Variants in APPBP2 observed in about 807,000 individuals in gnomAD.
APPBP2 encodes amyloid protein-binding protein 2.
APPBP2 carries 15 observed loss-of-function variants against 76.0 expected under a neutral mutation model. That is an observed-to-expected ratio of 0.20 (90% CI 0.13 to 0.30). APPBP2 has a LOEUF of 0.30. Among genes scored for constraint, APPBP2 ranks in the 10% least tolerant of loss-of-function variants. The probability of loss-of-function intolerance (pLI) is 1.00; values close to 1 mark genes in which losing one functional copy is unlikely to be tolerated. For missense variants in APPBP2, 401 were observed against 687.2 expected (o/e 0.58, Z 4.66); for synonymous variants, 222 against 242.2 (o/e 0.92, Z 0.77).
intron 4 of APPBP2, among the ~76,000 whole-genome samples, chr17:60,470,278 T>A (rs2090542628): frequency 6.6e-6 from 1 of 152,140 alleles, no homozygotes; most frequent in South Asian, 2.1e-4. Context: ...TTTAATTTTA[T>A]GAGACAGAGT....
At position 60,525,869 on chromosome 17, in the gene APPBP2, G is replaced by C. The variant is rs1176537507; in HGVS notation, c.63C>G (p.Val21=). The change falls in exon 1 of 13, where the codon GTC becomes GTG. Residue 21 remains valine (V), a synonymous_variant. Coordinates refer to ENST00000083182, the MANE Select transcript of APPBP2 (RefSeq NM_006380.5). Reference sequence around the variant, plus strand: ...GGCGGGAGCGGATGTAGTTGTCCACGACAGCGGAGATGGCGGTGTTATAGA... The same window carrying C: ...GGCGGGAGCGGATGTAGTTGTCCACCACAGCGGAGATGGCGGTGTTATAGA... The part of the protein sequence containing the change: ...ETLYNTAISA[V]VDNYIRSRRD... The C allele has an allele frequency of 2.5e-6, 4 of 1,614,106 alleles. No homozygotes were observed. Among genetic ancestry groups the C allele is most frequent in the Non-Finnish European group, 3.4e-6 (4 of 1,180,022 alleles).
At chr17:60,450,771 C>CAAAAAAAAAAAAAAAAA (rs1235490603) in intron 12 of APPBP2, among the ~76,000 whole-genome samples, 1 of 80,068 alleles carries the variant, frequency 1.2e-5, no homozygotes, top group Non-Finnish European at 2.7e-5. Context: ...GATCCTGTCT[C>CAAAAAAAAAAAAAAAAA]AAAAAAAAAA....
At position 60,462,423 on chromosome 17, in the gene APPBP2, G is replaced by A. The variant is rs182421769; in HGVS notation, c.763-362C>T. The A allele has an allele frequency of 1.8e-3, 321 of 181,484 alleles. 1 individual carries two copies. The highest frequency in any genetic ancestry group is 6.9e-3 in the African/African-American group (295 of 42,584). The allele number at this position is 181,484 out of a possible 1,614,324, so 11.2% of individuals were successfully genotyped here. A position where few individuals can be genotyped will look rare whatever the true frequency, so the allele number is the denominator to read the frequency against. ...TCTAAGGTCCTTATATCCCAGTCCT[G>A]GAGTGGCTGACAACAATCTTTTGTT... is the stretch of plus-strand genomic sequence containing the variant. On this transcript the variant is annotated intron_variant, in intron 6 of 12. Coordinates refer to ENST00000083182, the MANE Select transcript of APPBP2 (RefSeq NM_006380.5).
rs943076671 is a variant in APPBP2 at position 60,524,304 on chromosome 17, A to C, written c.138+1490T>G. Among the ~76,000 whole-genome samples the C allele has an allele frequency of 2.0e-5, 3 of 152,242 alleles. 1 individual carries two copies. The highest frequency in any genetic ancestry group is 4.4e-5 in the Non-Finnish European group (3 of 68,048). ...TGAGGTACAAGATTACACATGATTT[A>C]ATAAAATGGACAGAGAGCACACACA... is the stretch of plus-strand genomic sequence containing the variant. On this transcript the variant is annotated intron_variant, in intron 1 of 12. Transcript: ENST00000083182.
intron 1 of APPBP2, among the ~76,000 whole-genome samples, chr17:60,514,812 C>CT (rs927041116): frequency 1.3e-4 from 19 of 151,138 alleles, no homozygotes; most frequent in East Asian, 9.7e-4. Flanking sequence ...TAAAACTTTT[C>CT]TTTTTTTTTG....
intron 3 of APPBP2, among the ~76,000 whole-genome samples, chr17:60,481,636 T>C (rs532589746): frequency 1.1e-4 from 17 of 152,316 alleles, no homozygotes; most frequent in African/African-American, 4.1e-4. Flanking sequence ...ATATTGACCC[T>C]AGAATTCACC....
intron 1 of APPBP2, among the ~76,000 whole-genome samples, chr17:60,512,108 A>ATT (rs201848782): frequency 0.07 from 10,285 of 146,250 alleles, 1,313 homozygotes; most frequent in African/African-American, 0.26. Context: ...TATTATTATT[A>ATT]TTTTCTTTTT....
At chr17:60,517,875 T>C (rs2090975507) in intron 1 of APPBP2, among the ~76,000 whole-genome samples, 1 of 152,238 alleles carries the variant, frequency 6.6e-6, no homozygotes, top group South Asian at 2.1e-4. Context: ...GTATTTCAGT[T>C]GAGTATCTTT....
chr17:60,458,554 T>G (rs149554249), intron 9 of APPBP2, among the ~76,000 whole-genome samples: 2,191 of 152,266 alleles, frequency 0.014, 20 homozygotes, highest in Non-Finnish European at 0.023. Flanking sequence ...ATAGTAAATA[T>G]TTTAGGTTGT....
intron 4 of APPBP2, among the ~76,000 whole-genome samples, chr17:60,478,642 C>T (rs893532514): frequency 6.6e-6 from 1 of 152,164 alleles, no homozygotes; most frequent in Non-Finnish European, 1.5e-5. Context: ...ACATTCTGGG[C>T]CAGGCACGGT....
chr17:60,518,887 G>A (rs1385628608), intron 1 of APPBP2, among the ~76,000 whole-genome samples: 2 of 151,980 alleles, frequency 1.3e-5, no homozygotes, highest in African/African-American at 4.8e-5. Context: ...CCTTCTTCAT[G>A]CCAAGATGGC....
At chr17:60,450,676 G>C (rs2090387927) in intron 12 of APPBP2, among the ~76,000 whole-genome samples, 1 of 151,396 alleles carries the variant, frequency 6.6e-6, no homozygotes, top group South Asian at 2.1e-4. Flanking sequence ...TACTCAGGTG[G>C]GCTGAGGCAG....
chr17:60,486,521 C>T (rs6503975), intron 3 of APPBP2, among the ~76,000 whole-genome samples: 8,147 of 151,934 alleles, frequency 0.054, 711 homozygotes, highest in African/African-American at 0.19. Flanking sequence ...GCAACCCCTG[C>T]TTTTTTTTGC....
chr17:60,522,518 T>C (rs2091017877), intron 1 of APPBP2, among the ~76,000 whole-genome samples: 1 of 151,942 alleles, frequency 6.6e-6, no homozygotes, highest in African/African-American at 2.4e-5. Flanking sequence ...AGAGAAGGGG[T>C]CTATGTTGCC....
In APPBP2 at chr17:60,492,858, T is replaced by C. The variant is rs369916768; in HGVS notation, c.379+1608A>G. On this transcript the variant is annotated intron_variant, in intron 3 of 12. Transcript: ENST00000083182. Reference sequence around the variant, plus strand: ...TTGGAGGACTGTTGCGAAGGCATGATTGGTGTTGAAATGTGAGGACATGAG... The same window carrying C: ...TTGGAGGACTGTTGCGAAGGCATGACTGGTGTTGAAATGTGAGGACATGAG... 2.5e-3 allele frequency among the ~76,000 whole-genome samples: 381 copies of C among 152,176 alleles called. 1 individual carries two copies. Among genetic ancestry groups the C allele is most frequent in the African/African-American group, 8.8e-3 (366 of 41,512 alleles).
At chr17:60,512,088 GTTTT>G (rs1046144611) in intron 1 of APPBP2, among the ~76,000 whole-genome samples, 1 of 150,734 alleles carries the variant, frequency 6.6e-6, no homozygotes, top group Admixed American at 6.6e-5. Context: ...TCCTTGAGGT[GTTTT>G]TTTATTATTA....
In APPBP2 at chr17:60,500,382, T is replaced by C. The variant is rs1252705303; in HGVS notation, c.227+17A>G. On this transcript the variant is annotated intron_variant, in intron 2 of 12. Coordinates refer to ENST00000083182, the MANE Select transcript of APPBP2 (RefSeq NM_006380.5). ...TTATGTTATGTATATTTTACAATTTTTTAAAAAAGAATTTACCTTTTATCC... is the reference window on the plus strand; with the variant it reads ...TTATGTTATGTATATTTTACAATTTCTTAAAAAAGAATTTACCTTTTATCC... The C allele has an allele frequency of 2.6e-6, 4 of 1,538,946 alleles. No homozygotes were observed. The highest frequency in any genetic ancestry group is 2.7e-6 in the Non-Finnish European group (3 of 1,129,170).
intron 1 of APPBP2, among the ~76,000 whole-genome samples, chr17:60,507,729 TTGGGAAAAACCTCACTTTCA>T (rs1244831131): frequency 1.3e-5 from 2 of 152,192 alleles, no homozygotes; most frequent in Non-Finnish European, 2.9e-5. Context: ...ATTTGATACT[TTGGGAAAAACCTCACTTTCA>T]CACAGTTGAC....
In APPBP2 at chr17:60,479,269, C is replaced by T; in HGVS notation, c.382G>A (p.Gly128Ser). 6.3e-7 allele frequency: 1 copy of T among 1,589,100 alleles called. No homozygotes were observed. The change falls in exon 4 of 13, where the codon GGC becomes AGC. Residue 128 changes from glycine to serine, a missense_variant and splice_region_variant. By Grantham distance (56) the Gly-to-Ser change is moderately conservative (BLOSUM62 0). Transcript: ENST00000083182. ...TACCAGCCTGCATCTGAAAGAAAGCCACCTAAAAAAATAAGAAACACCAAT... is the reference window on the plus strand; with the variant it reads ...TACCAGCCTGCATCTGAAAGAAAGCTACCTAAAAAAATAAGAAACACCAAT... The part of the protein sequence containing the change: ...KAIQVGFVLG[G>S]FLSDAGWYSD...
Sources: allele counts gnomAD v4.1 joint callset (sites outside exome capture counted in the v4.1 genomes callset), GRCh38; gene constraint gnomAD v4.1.1; transcripts MANE v1.5; gene names NCBI Gene and HGNC (gene_info 2026-07-23, HGNC 2026-07-21).